EIF4G3: variants seen among roughly 807,000 people sequenced by gnomAD.
EIF4G3 encodes eIF-4-gamma 3.
Under a neutral mutation model 186.4 loss-of-function variants are expected in EIF4G3, and 34 were observed. The ratio of observed to expected loss-of-function variants is 0.18; its 90% CI spans 0.14 to 0.24. EIF4G3 has a LOEUF of 0.24. Ranked by LOEUF, EIF4G3 falls within the 10% of genes least tolerant of loss-of-function variation. The pLI is 1.00. For synonymous variants in EIF4G3, 673 were observed against 679.5 expected (o/e 0.99, Z 0.15); for missense variants, 1,536 against 1,948.5 (o/e 0.79, Z 3.99).
At chr1:20,971,232 A>C (rs2075830236) in intron 11 of EIF4G3, among the ~76,000 whole-genome samples, 1 of 152,194 alleles carries the variant, frequency 6.6e-6, no homozygotes, top group East Asian at 1.9e-4. Context: ...GGCAGTCCAC[A>C]CTTCTTGAGA....
Position 20,980,394 on chromosome 1 carries a change from G to C in EIF4G3, c.433C>G (p.Pro145Ala). ...GGATAAAAAGGACCTGGCCCCGGTG[G>C]TTGAACTGGATATTGTTGGGGGGGC... ...VGPPQQYPVQ[P>A]PGPGPFYPGP... The change falls in exon 10 of 37, where the codon CCA (proline) becomes GCA (alanine). Residue 145 changes from proline (P) to alanine (A), a missense_variant. Transcript: ENST00000602326. 6.5e-7 allele frequency: 1 copy of C among 1,547,078 alleles called. No individual in the cohort carries two copies. The highest frequency in any genetic ancestry group is 8.6e-7 in the Non-Finnish European group (1 of 1,158,124).
intron 3 of EIF4G3, among the ~76,000 whole-genome samples, chr1:21,061,461 A>G (rs2094908645): frequency 6.6e-6 from 1 of 152,236 alleles, no homozygotes; most frequent in Non-Finnish European, 1.5e-5. Context: ...AATGGAAATA[A>G]TAAGTAGTGT....
Position 21,176,721 on chromosome 1 carries a change from C to A in EIF4G3, c.-456+1G>T. ...GGGGGCAGGAGGCGGAGAGACCGGA[C>A]CTTTCACGGCAATATCCTCATGGGC... On this transcript the variant is annotated splice_donor_variant, in intron 1 of 36. Coordinates refer to ENST00000602326, the MANE Select transcript of EIF4G3 (RefSeq NM_001391906.1). LOFTEE classifies it low-confidence loss of function (5UTR_SPLICE). 1.5e-6 allele frequency: 1 copy of A among 676,284 alleles called. No homozygotes were observed. Among genetic ancestry groups the A allele is most frequent in the Non-Finnish European group, 2.7e-6 (1 of 373,654 alleles). 41.9% of individuals were successfully genotyped at this position (676,284 alleles called of 1,614,324 possible). A position where few individuals can be genotyped will look rare whatever the true frequency, so the allele number is the denominator to read the frequency against.
intron 12 of EIF4G3, among the ~76,000 whole-genome samples, chr1:20,951,937 G>A (rs974951283): frequency 2.0e-5 from 3 of 152,070 alleles, no homozygotes; most frequent in South Asian, 2.1e-4. Flanking sequence ...ATAAAGAGTC[G>A]TAAGAAAGGA....
At chr1:20,950,182 G>A (rs113851776) in intron 12 of EIF4G3, 71 bp from the exon 13 acceptor site, 2 of 1,163,184 alleles carry the variant, frequency 1.7e-6, no homozygotes, top group Non-Finnish European at 1.2e-6. Context: ...TGGAACCCAA[G>A]CAAGTAGGGA....
intron 23 of EIF4G3, among the ~76,000 whole-genome samples, chr1:20,861,152 G>T (rs891840993): frequency 1.3e-5 from 2 of 152,204 alleles, no homozygotes; most frequent in African/African-American, 4.8e-5. Flanking sequence ...TAACATGGGT[G>T]AAGACAACCA....
intron 2 of EIF4G3, 54 bp downstream of exon 2, chr1:21,176,121 C>G: frequency 3.0e-6 from 1 of 330,096 alleles, no homozygotes; most frequent in Non-Finnish European, 5.4e-6. Flanking sequence ...TGCGGGGTCC[C>G]CCTGGACTGC....
At chr1:20,871,670 T>G (rs1363235177) in intron 20 of EIF4G3, among the ~76,000 whole-genome samples, 1 of 152,220 alleles carries the variant, frequency 6.6e-6, no homozygotes, top group African/African-American at 2.4e-5. Context: ...ATTAGCATAG[T>G]AAACAGGGGC....
At chr1:20,819,914 G>C (rs1393826172) in intron 33 of EIF4G3, among the ~76,000 whole-genome samples, 1 of 152,038 alleles carries the variant, frequency 6.6e-6, no homozygotes, top group Non-Finnish European at 1.5e-5. Flanking sequence ...GGAGAGGAGA[G>C]GAGACAGAGA....
At chr1:20,872,461 A>C (rs2079489247) in intron 20 of EIF4G3, among the ~76,000 whole-genome samples, 1 of 152,044 alleles carries the variant, frequency 6.6e-6, no homozygotes, top group Non-Finnish European at 1.5e-5. Flanking sequence ...TTACAGTAAA[A>C]CTTAAAAGCC....
chr1:20,822,902 A>G (rs1352116153), intron 33 of EIF4G3, among the ~76,000 whole-genome samples: 1 of 152,120 alleles, frequency 6.6e-6, no homozygotes, highest in African/African-American at 2.4e-5. Context: ...CTCAGTATGC[A>G]TTGCCCTAAT....
At chr1:20,831,714 C>T (rs1183497686) in intron 30 of EIF4G3, among the ~76,000 whole-genome samples, 3 of 150,120 alleles carry the variant, frequency 2.0e-5, no homozygotes, top group South Asian at 2.1e-4. Context: ...CCCACTAACT[C>T]GTCATCTAGC....
rs1338436816 is a variant in EIF4G3 at position 20,916,250 on chromosome 1, T to C, written c.1664-11279A>G. ...TCACGAGGTCAGGAGATCGAGACCA[T>C]CCCGGCTAACACGGTGAAACCCCAT... On this transcript the variant is annotated intron_variant, in intron 14 of 36. Coordinates refer to ENST00000602326, the MANE Select transcript of EIF4G3 (RefSeq NM_001391906.1). 2.0e-5 allele frequency among the ~76,000 whole-genome samples: 3 copies of C among 151,864 alleles called. No homozygotes were observed. In the East Asian group the frequency reaches 5.8e-4, roughly 29 times the overall value.
chr1:20,808,432 AG>A (rs1384616325), intron 36 of EIF4G3, among the ~76,000 whole-genome samples: 5 of 151,928 alleles, frequency 3.3e-5, no homozygotes, highest in Non-Finnish European at 5.9e-5. Context: ...CTTTAATCCT[AG>A]CACTTTGGGA....
intron 14 of EIF4G3, among the ~76,000 whole-genome samples, chr1:20,938,360 G>A (rs927156941): frequency 2.0e-5 from 3 of 152,152 alleles, no homozygotes; most frequent in African/African-American, 7.2e-5. Flanking sequence ...ATGTTTTGCA[G>A]CAGAACTAAA....
intron 36 of EIF4G3, among the ~76,000 whole-genome samples, chr1:20,808,317 T>C (rs763825970): frequency 6.6e-6 from 1 of 152,226 alleles, no homozygotes; most frequent in Non-Finnish European, 1.5e-5. Context: ...GTTTACTGTA[T>C]TATTTTTACA....
chr1:21,061,135 T>G (rs2094891357), intron 3 of EIF4G3, among the ~76,000 whole-genome samples: 1 of 152,148 alleles, frequency 6.6e-6, no homozygotes, highest in African/African-American at 2.4e-5. Flanking sequence ...GCTTGAAAGA[T>G]TAGGTGGGAA....
At position 20,869,824 on chromosome 1, in the gene EIF4G3, A is replaced by T. The variant is rs553167624; in HGVS notation, c.2623-4562T>A. ...TGAAGTAAACAGCAATATGGTAATT[A>T]AAAAAAAATTGTTTAATAAACCAAC... On this transcript the variant is annotated intron_variant, in intron 20 of 36. Coordinates refer to ENST00000602326, the MANE Select transcript of EIF4G3 (RefSeq NM_001391906.1). 3.3e-5 allele frequency among the ~76,000 whole-genome samples: 5 copies of T among 150,424 alleles called. No individual in the cohort carries two copies. In the South Asian group the frequency reaches 6.3e-4, roughly 19 times the overall value.
intron 8 of EIF4G3, among the ~76,000 whole-genome samples, chr1:20,981,580 TG>T (rs1462347498): frequency 1.4e-5 from 2 of 140,290 alleles, no homozygotes; most frequent in Admixed American, 7.2e-5. Flanking sequence ...ACGCACATAC[TG>T]TATGTATACA....
Sources: gnomAD v4.1 joint callset for allele counts (sites outside exome capture counted in the v4.1 genomes callset) on GRCh38, gnomAD v4.1.1 for gene constraint, MANE v1.5 for transcripts, NCBI Gene and HGNC (gene_info 2026-07-23, HGNC 2026-07-21) for gene names.